ZPLD1: variants seen among roughly 807,000 people sequenced by gnomAD.
The protein encoded by ZPLD1 is zona pellucida-like domain-containing protein 1.
In ZPLD1, 34 loss-of-function variants were observed where a neutral mutation model predicts 47.2. That is an observed-to-expected ratio of 0.72 (90% CI 0.55 to 0.96). ZPLD1 has a LOEUF of 0.96. Ranked by LOEUF, ZPLD1 falls within the 40% of genes least tolerant of loss-of-function variation. The probability of loss-of-function intolerance (pLI) is 0.00; values close to 1 mark genes in which losing one functional copy is unlikely to be tolerated. For synonymous variants in ZPLD1, 176 were observed against 186.2 expected (o/e 0.95, Z 0.45); for missense variants, 512 against 505.8 (o/e 1.01, Z -0.12).
intron 8 of ZPLD1, among the ~76,000 whole-genome samples, chr3:102,422,538 CAGA>C (rs1388676433): frequency 6.6e-6 from 1 of 151,948 alleles, no homozygotes; most frequent in Non-Finnish European, 1.5e-5. Flanking sequence ...GAGGAAAATA[CAGA>C]AGAAGTAGTG....
At chr3:102,402,839 A>G (rs1706637064) in intron 7 of ZPLD1, among the ~76,000 whole-genome samples, 1 of 152,020 alleles carries the variant, frequency 6.6e-6, no homozygotes, top group African/African-American at 2.4e-5. Flanking sequence ...GATTTTAATC[A>G]TGGTCCTTAT....
intron 6 of ZPLD1, among the ~76,000 whole-genome samples, chr3:102,390,480 A>G (rs531279341): frequency 6.6e-6 from 1 of 152,218 alleles, no homozygotes; most frequent in African/African-American, 2.4e-5. Flanking sequence ...TATTTTATTC[A>G]GTTAAATCTG....
upstream of ZPLD1, among the ~76,000 whole-genome samples, chr3:102,431,997 T>A (rs1186171122): frequency 6.6e-6 from 1 of 152,174 alleles, no homozygotes; most frequent in African/African-American, 2.4e-5. Context: ...AACATCATGA[T>A]TCTTAGCTGG....
intron 3 of ZPLD1, among the ~76,000 whole-genome samples, chr3:102,448,839 T>C (rs1269598183): frequency 9.9e-5 from 15 of 152,226 alleles, no homozygotes; most frequent in Admixed American, 9.8e-4. Context: ...AGAAGAATGA[T>C]ACCTCTCTTT....
chr3:102,474,882 T>C (rs562014044), intron 10 of ZPLD1, among the ~76,000 whole-genome samples: 151 of 152,252 alleles, frequency 9.9e-4, no homozygotes, highest in Non-Finnish European at 1.5e-3. Flanking sequence ...TATATGTACA[T>C]GTCAAGACCA....
intron 1 of ZPLD1, among the ~76,000 whole-genome samples, chr3:102,435,637 A>ATTTTTT (rs60085952): frequency 6.0e-5 from 7 of 117,360 alleles, no homozygotes; most frequent in East Asian, 4.8e-4. Context: ...CATCATCTTG[A>ATTTTTT]TTTTTTTTTT....
rs1707639038 is a variant in ZPLD1, at chr3:102,468,926, T to C, written c.762-38T>C. On this transcript the variant is annotated intron_variant, in intron 8 of 11. Transcript: ENST00000466937. The stretch of plus-strand genomic sequence containing the variant: ...TACAAGTCCCAGTAGGTTGGTACTT[T>C]CCAGTGATGTCCTGTTTTCACGTTC... 2.5e-6 allele frequency: 4 copies of C among 1,583,028 alleles called. No individual in the cohort carries two copies. In the East Asian group the frequency reaches 6.7e-5, roughly 27 times the overall value.
Sources: gnomAD v4.1 joint callset for allele counts (sites outside exome capture counted in the v4.1 genomes callset) on GRCh38, gnomAD v4.1.1 for gene constraint, MANE v1.5 for transcripts, NCBI Gene and HGNC (gene_info 2026-07-23, HGNC 2026-07-21) for gene names.